KIAA0586: variants seen among roughly 807,000 people sequenced by gnomAD.
KIAA0586 encodes protein TALPID3.
Under a neutral mutation model 169.8 loss-of-function variants are expected in KIAA0586, and 144 were observed. The observed-to-expected ratio is 0.85, with a 90% CI of 0.74 to 0.97. The LOEUF is 0.97. Ranked by LOEUF, KIAA0586 falls within the 50% of genes least tolerant of loss-of-function variation. KIAA0586 has a pLI of 0.00. For missense variants in KIAA0586, 1,854 were observed against 1,823.0 expected (o/e 1.02, Z -0.31); for synonymous variants, 625 against 612.4 (o/e 1.02, Z -0.30).
chr14:58,432,544 C>G, intron 4 of KIAA0586, 87 bp downstream of exon 4: 1 of 697,910 alleles, frequency 1.4e-6, no homozygotes, highest in Admixed American at 3.1e-5. Flanking sequence ...AACCTTTTCA[C>G]TATGTGAAAT....
chr14:58,540,117 C>A lies in KIAA0586; in HGVS notation c.4476C>A (p.Tyr1492Ter). 1 of 1,555,062 alleles carries A rather than the reference C, an allele frequency of 6.4e-7. No homozygotes were observed. Among genetic ancestry groups the A allele is most frequent in the Non-Finnish European group, 8.7e-7 (1 of 1,144,472 alleles). ...MDRTQIELNP[Y>*]LTCVFSGGKA... ...GGACACAAATTGAGCTTAATCCGTA[C>A]CTCACATGTGTATTTTCAGGTAAGA... Residue 1492 changes from tyrosine (Y) to a stop codon, truncating the protein, a stop_gained, in exon 30 of 31, where the codon TAC becomes TAA. Transcript: ENST00000652326. LOFTEE classifies it low-confidence loss of function (END_TRUNC).
intron 5 of KIAA0586, among the ~76,000 whole-genome samples, 159 bp downstream of exon 5, chr14:58,443,039 C>G (rs190952943): frequency 1.1e-3 from 171 of 152,312 alleles, no homozygotes; most frequent in Non-Finnish European, 2.2e-3. Context: ...TGTGTTACTT[C>G]TCAGGAAATG....
At chr14:58,508,770 G>T in intron 28 of KIAA0586, 61 bp downstream of exon 28, 1 of 1,351,260 alleles carries the variant, frequency 7.4e-7, no homozygotes, top group Non-Finnish European at 1.0e-6. Flanking sequence ...TGTTGCCTTA[G>T]CGTGGTACCC....
intron 28 of KIAA0586, among the ~76,000 whole-genome samples, chr14:58,511,015 T>C (rs2044348142): frequency 6.6e-6 from 1 of 152,080 alleles, no homozygotes. Context: ...GAGAAAACTT[T>C]TGAGATTGAT....
chr14:58,479,188 G>T (rs2041862691), intron 20 of KIAA0586, among the ~76,000 whole-genome samples: 1 of 152,198 alleles, frequency 6.6e-6, no homozygotes, highest in Admixed American at 6.5e-5. Context: ...AACACTTGGT[G>T]TTGTCAGTGT....
At position 58,491,619 on chromosome 14, in the gene KIAA0586, G is replaced by A. The variant is rs577885144; in HGVS notation, c.3859-525G>A. 3.3e-5 allele frequency among the ~76,000 whole-genome samples: 5 copies of A among 152,318 alleles called. No homozygotes were observed. In the East Asian group the frequency reaches 9.7e-4, roughly 29 times the overall value. On this transcript the variant is annotated intron_variant, in intron 25 of 30. Coordinates refer to ENST00000652326, the MANE Select transcript of KIAA0586 (RefSeq NM_001329943.3). ...GCCTATACAGGGTGCTCCAGTGAGG[G>A]TCTTCAATACCAATGCCCTCGCCAA...
chr14:58,438,548 A>G (rs1248746238), intron 4 of KIAA0586, among the ~76,000 whole-genome samples: 1 of 152,164 alleles, frequency 6.6e-6, no homozygotes, highest in Non-Finnish European at 1.5e-5. Context: ...AATTGGGGAG[A>G]TAATATGTAT....
intron 4 of KIAA0586, among the ~76,000 whole-genome samples, chr14:58,440,578 C>T (rs1043814901): frequency 3.3e-5 from 5 of 152,194 alleles, no homozygotes; most frequent in Non-Finnish European, 5.9e-5. Context: ...GTGATCCACC[C>T]GCCTTAGCCT....
chr14:58,448,263 T>C, intron 6 of KIAA0586, 77 bp from the exon 7 acceptor site: 1 of 936,852 alleles, frequency 1.1e-6, no homozygotes, highest in South Asian at 1.9e-5. Context: ...TTAACTCCTC[T>C]AATATTTCAA....
At chr14:58,463,375 C>T (rs78128688) in intron 14 of KIAA0586, among the ~76,000 whole-genome samples, 1,788 of 152,120 alleles carry the variant, frequency 0.012, 19 homozygotes, top group Non-Finnish European at 0.014. Context: ...ATTCCTTGTG[C>T]CAGAAACAAT....
intron 27 of KIAA0586, 89 bp from the exon 28 acceptor site, chr14:58,508,463 GAAA>G: frequency 1.0e-6 from 1 of 985,342 alleles, no homozygotes; most frequent in South Asian, 1.7e-5. Flanking sequence ...CAGCAGGTGA[GAAA>G]TATTGGTGGT....
chr14:58,479,815 C>G (rs928210043), intron 20 of KIAA0586, among the ~76,000 whole-genome samples: 16 of 152,202 alleles, frequency 1.1e-4, no homozygotes, highest in Admixed American at 5.2e-4. Flanking sequence ...TACCTTAACA[C>G]CTTGGTTGAA....
intron 4 of KIAA0586, among the ~76,000 whole-genome samples, chr14:58,432,754 G>A (rs902445659): frequency 2.6e-5 from 4 of 152,038 alleles, no homozygotes; most frequent in South Asian, 4.1e-4. Flanking sequence ...GGAGTCTCGC[G>A]TCGCCCAGGC....
At chr14:58,538,407 AAAATTTTTTTAATTTTTAGTAT>A (rs2046433958) in intron 29 of KIAA0586, among the ~76,000 whole-genome samples, 2 of 152,218 alleles carry the variant, frequency 1.3e-5, no homozygotes, top group South Asian at 4.1e-4. Context: ...AATCCACCCA[AAAATTTTTTTAATTTTTAGTAT>A]AAATTTTTTT....
chr14:58,460,673 T>G (rs2040248713), intron 13 of KIAA0586, among the ~76,000 whole-genome samples: 1 of 152,128 alleles, frequency 6.6e-6, no homozygotes, highest in Non-Finnish European at 1.5e-5. Flanking sequence ...AGGTTAAGGT[T>G]GTTGTATTTT....
chr14:58,549,320 G>C lies in KIAA0586; in HGVS notation c.*1388G>C, dbSNP rs1403636965. ...AGGGATTTCAATTTAATTGATCTTG[G>C]ATGGGGTCCAGCATTGGTATTAAAA... is the stretch of plus-strand genomic sequence containing the variant. On this transcript the variant is annotated 3_prime_UTR_variant, in exon 31 of 31. Coordinates refer to ENST00000652326, the MANE Select transcript of KIAA0586 (RefSeq NM_001329943.3). The C allele has an allele frequency of 2.6e-5, 4 of 151,638 alleles. No individual in the cohort carries two copies. The highest frequency in any genetic ancestry group is 5.9e-5 in the Non-Finnish European group (4 of 67,950). 9.4% of individuals were successfully genotyped at this position (151,638 alleles called of 1,614,324 possible).
chr14:58,546,830 AT>A (rs894083220), intron 30 of KIAA0586, among the ~76,000 whole-genome samples: 6 of 152,024 alleles, frequency 3.9e-5, no homozygotes, highest in African/African-American at 1.2e-4. Flanking sequence ...TGAAGTGGGA[AT>A]TTTTTTTCAT....
chr14:58,521,528 C>T, intron 29 of KIAA0586: 1 of 790,186 alleles, frequency 1.3e-6, no homozygotes, highest in Non-Finnish European at 2.3e-6. Flanking sequence ...CCTCCTATTG[C>T]TCGGGCTGTA....
At chr14:58,485,907 TTTCC>T (rs1442054349) in intron 21 of KIAA0586, among the ~76,000 whole-genome samples, 5 of 152,178 alleles carry the variant, frequency 3.3e-5, no homozygotes, top group Non-Finnish European at 5.9e-5. Flanking sequence ...GTTCTATGCC[TTTCC>T]TTCATGTCTG....
Sources: allele counts gnomAD v4.1 joint callset (sites outside exome capture counted in the v4.1 genomes callset), GRCh38; gene constraint gnomAD v4.1.1; transcripts MANE v1.5; gene names NCBI Gene and HGNC (gene_info 2026-07-23, HGNC 2026-07-21).